ABLIM1: variants seen among roughly 807,000 people sequenced by gnomAD.
ABLIM1 encodes actin binding LIM protein 1, also known as actin-binding LIM protein 1.
Under a neutral mutation model 107.0 loss-of-function variants are expected in ABLIM1, and 40 were observed. The ratio of observed to expected loss-of-function variants is 0.37; its 90% confidence interval spans 0.29 to 0.49. The LOEUF (loss-of-function observed/expected upper bound fraction) is 0.49. Ranked by LOEUF, ABLIM1 falls within the 20% of genes least tolerant of loss-of-function variation. The pLI is 0.97. For synonymous variants in ABLIM1, 357 were observed against 357.3 expected (o/e 1.00, Z 0.01); for missense variants, 857 against 1,008.5 (o/e 0.85, Z 2.04).
rs914544479 is a variant in ABLIM1 at position 114,435,691 on chromosome 10, T to C, written c.*569A>G. On this transcript the variant is annotated 3_prime_UTR_variant, in exon 23 of 23. Coordinates refer to ENST00000533213, the MANE Select transcript of ABLIM1 (RefSeq NM_002313.7). Reference sequence around the variant, plus strand: ...ATTAATTTTGCTGTTTTTCACCCCATTCAAACAGAGCTGCCCTGTTCCCTG... The same window carrying C: ...ATTAATTTTGCTGTTTTTCACCCCACTCAAACAGAGCTGCCCTGTTCCCTG... 1 of 152,268 alleles carries C rather than the reference T, an allele frequency of 6.6e-6. No individual in the cohort carries two copies. The highest frequency in any genetic ancestry group is 6.5e-5 in the Admixed American group (1 of 15,288). The allele number at this position is 152,268 out of a possible 1,614,324, so 9.4% of individuals were successfully genotyped here. A position where few individuals can be genotyped will look rare whatever the true frequency, so the allele number is the denominator to read the frequency against.
intron 6 of ABLIM1, among the ~76,000 whole-genome samples, chr10:114,542,711 C>T (rs1318000635): frequency 6.6e-6 from 1 of 152,130 alleles, no homozygotes; most frequent in East Asian, 1.9e-4. Context: ...CTCAGGAATC[C>T]CAAGGGAAAT....
intron 12 of ABLIM1, 102 bp from the exon 13 acceptor site, chr10:114,453,585 G>A: frequency 2.1e-6 from 2 of 950,342 alleles, no homozygotes; most frequent in Non-Finnish European, 3.0e-6. Flanking sequence ...ACTGGAAGGA[G>A]GTTCATCAAA....
At chr10:114,465,024 A>G (rs557882177) in intron 12 of ABLIM1, among the ~76,000 whole-genome samples, 1 of 152,334 alleles carries the variant, frequency 6.6e-6, no homozygotes, top group East Asian at 1.9e-4. Flanking sequence ...ATGAAGGTCC[A>G]CTAAAATCTG....
the ABLIM1 span, among the ~76,000 whole-genome samples, chr10:114,791,153 CT>C: frequency 2.0e-4 from 30 of 152,224 alleles, no homozygotes; most frequent in Middle Eastern, 3.4e-3. Context: ...GCGATCATAG[CT>C]CATGGCAGCC....
At chr10:114,603,449 T>C (rs748118019) in intron 1 of ABLIM1, among the ~76,000 whole-genome samples, 48 of 152,102 alleles carry the variant, frequency 3.2e-4, no homozygotes, top group Non-Finnish European at 3.7e-4. Context: ...GCCACAAAGA[T>C]ACCAAGGTTG....
At chr10:114,758,863 A>G (rs2082685625) in intron 1 of ABLIM1, among the ~76,000 whole-genome samples, 1 of 152,198 alleles carries the variant, frequency 6.6e-6, no homozygotes, top group South Asian at 2.1e-4. Context: ...TCATTTATAC[A>G]TATATCATCT....
At chr10:114,679,986 T>TGCCTCTCA (rs2080675075) in intron 1 of ABLIM1, among the ~76,000 whole-genome samples, 1 of 152,198 alleles carries the variant, frequency 6.6e-6, no homozygotes, top group African/African-American at 2.4e-5. Flanking sequence ...GTGTTTGAAA[T>TGCCTCTCA]TTTTACAATG....
At chr10:114,631,388 T>C (rs896277561) in intron 1 of ABLIM1, among the ~76,000 whole-genome samples, 2 of 152,104 alleles carry the variant, frequency 1.3e-5, no homozygotes, top group African/African-American at 4.8e-5. Flanking sequence ...TTAGGGATAA[T>C]AGTGAAATGA....
At chr10:114,467,111 A>T (rs2065339117) in intron 11 of ABLIM1, among the ~76,000 whole-genome samples, 1 of 152,160 alleles carries the variant, frequency 6.6e-6, no homozygotes, top group South Asian at 2.1e-4. Flanking sequence ...GTGAGCCAAG[A>T]TTGTGCCACT....
At chr10:114,761,983 G>GTTCT (rs1555234060) in intron 1 of ABLIM1, among the ~76,000 whole-genome samples, 3 of 145,618 alleles carry the variant, frequency 2.1e-5, no homozygotes, top group Admixed American at 6.8e-5. Flanking sequence ...TATCCCATAT[G>GTTCT]CTCTCTCTCT....
chr10:114,493,455 G>A (rs1029920736), intron 6 of ABLIM1, among the ~76,000 whole-genome samples: 4 of 152,148 alleles, frequency 2.6e-5, no homozygotes, highest in South Asian at 2.1e-4. Flanking sequence ...TGAAACGTTC[G>A]AGGCATTCTC....
intron 8 of ABLIM1, among the ~76,000 whole-genome samples, chr10:114,487,201 TTC>T (rs879837323): frequency 1.2e-4 from 18 of 152,346 alleles, no homozygotes; most frequent in Admixed American, 1.2e-3. Flanking sequence ...ATCCAGGCCA[TTC>T]TTTTCCCTGA....
intron 1 of ABLIM1, among the ~76,000 whole-genome samples, chr10:114,617,927 G>A (rs769238565): frequency 6.6e-6 from 1 of 152,180 alleles, no homozygotes. Context: ...CAGCTTGGGC[G>A]ACATAGCAAG....
chr10:114,718,371 ATAGTAG>A (rs1181790141), intron 1 of ABLIM1, among the ~76,000 whole-genome samples: 1 of 152,140 alleles, frequency 6.6e-6, no homozygotes, highest in Non-Finnish European at 1.5e-5. Context: ...TCTCTACTGT[ATAGTAG>A]TAAGCCCAAT....
intron 6 of ABLIM1, among the ~76,000 whole-genome samples, chr10:114,533,208 G>A (rs1312609765): frequency 6.6e-6 from 1 of 152,052 alleles, no homozygotes; most frequent in Non-Finnish European, 1.5e-5. Context: ...AGGGGTGGTG[G>A]TACGCGCCTG....
chr10:114,569,594 A>G (rs2071347412), intron 4 of ABLIM1, among the ~76,000 whole-genome samples: 1 of 152,164 alleles, frequency 6.6e-6, no homozygotes, highest in South Asian at 2.1e-4. Context: ...CTGGGATTAC[A>G]GGGCCTCTTT....
intron 1 of ABLIM1, among the ~76,000 whole-genome samples, chr10:114,745,846 A>C (rs891808728): frequency 6.6e-6 from 1 of 152,234 alleles, no homozygotes; most frequent in African/African-American, 2.4e-5. Flanking sequence ...TGTCTAAAAA[A>C]AAAATTCCTA....
At chr10:114,785,169 T>C in the ABLIM1 span, among the ~76,000 whole-genome samples, 3 of 152,214 alleles carry the variant, frequency 2.0e-5, no homozygotes, top group African/African-American at 7.2e-5. Flanking sequence ...TCAACACACA[T>C]TAAAATATCT....
At chr10:114,797,998 A>T in the ABLIM1 span, among the ~76,000 whole-genome samples, 1 of 152,268 alleles carries the variant, frequency 6.6e-6, no homozygotes, top group Non-Finnish European at 1.5e-5. Flanking sequence ...GAAGTAAAAT[A>T]AATTACTTAT....
Sources: allele counts gnomAD v4.1 joint callset (sites outside exome capture counted in the v4.1 genomes callset), GRCh38; gene constraint gnomAD v4.1.1; transcripts MANE v1.5; gene names NCBI Gene and HGNC (gene_info 2026-07-23, HGNC 2026-07-21).